The following AP4E1 variants were observed in gnomAD, a reference collection of about 807,000 sequenced individuals.
AP4E1 encodes AP-4 complex subunit epsilon-1.
Under a neutral mutation model 128.2 loss-of-function variants are expected in AP4E1, and 56 were observed. The ratio of observed to expected loss-of-function variants is 0.44; its 90% confidence interval spans 0.35 to 0.55. The LOEUF is 0.55. Among genes scored for constraint, AP4E1 ranks in the 20% least tolerant of loss-of-function variants. The probability of loss-of-function intolerance (pLI) is 0.00; values close to 1 mark genes in which losing one functional copy is unlikely to be tolerated. For missense variants in AP4E1, 1,324 were observed against 1,307.7 expected, an observed-to-expected ratio of 1.01 and a Z score of -0.19; for synonymous variants, 484 against 473.1, an observed-to-expected ratio of 1.02 and a Z score of -0.30.
At chr15:50,961,222 A>G (rs76348913) in intron 14 of AP4E1, among the ~76,000 whole-genome samples, 5,093 of 152,130 alleles carry the variant, frequency 0.033, 84 homozygotes, top group Non-Finnish European at 0.039. Context: ...GTCCAAAAAA[A>G]TCGAAGAGGA....
rs1319336969 is a variant in AP4E1 at position 51,001,076 on chromosome 15, C to T, written c.3146C>T (p.Ala1049Val). Residue 1049 changes from alanine to valine, a missense_variant, in exon 20 of 21, where the codon GCA becomes GTA. By Grantham distance (64) the Ala-to-Val change is moderately conservative. Coordinates refer to ENST00000261842, the MANE Select transcript of AP4E1 (RefSeq NM_007347.5). The stretch of plus-strand genomic sequence containing the variant: ...TTTGGGAAACTCTGGTTATCCTTCG[C>T]AAATGATGTGAAACAAAATGTAAAA... ...DDFGKLWLSF[A>V]NDVKQNVKMS... 4 of 1,613,386 alleles carry T rather than the reference C, an allele frequency of 2.5e-6. No homozygotes were observed. The highest frequency in any genetic ancestry group is 1.7e-5 in the Admixed American group (1 of 60,002).
intron 19 of AP4E1, among the ~76,000 whole-genome samples, chr15:51,000,141 C>CTTTTTTTTTTTTTTTTT (rs11383470): frequency 8.3e-6 from 1 of 120,818 alleles, no homozygotes. Context: ...TTTGTTCATT[C>CTTTTTTTTTTTTTTTTT]TTTTTTTTTT....
In AP4E1 at chr15:50,997,871, A is replaced by C. The variant is rs1190538218; in HGVS notation, c.2892A>C (p.Ala964=). 5.6e-6 allele frequency: 9 copies of C among 1,598,250 alleles called. No homozygotes were observed. In the East Asian group the frequency reaches 2.0e-4, roughly 36 times the overall value. ...LKSADLEIFP[A]ENFKVTEQPG... ...GTGCTGACTTAGAAATTTTTCCTGC[A>C]GAAAATTTCAAGGTAAAATTTAAAG... The change falls in exon 18 of 21, where the codon GCA becomes GCC. Residue 964 remains alanine (A), a synonymous_variant. Coordinates refer to ENST00000261842, the MANE Select transcript of AP4E1 (RefSeq NM_007347.5).
intron 7 of AP4E1, among the ~76,000 whole-genome samples, chr15:50,931,688 A>C (rs1417053143): frequency 6.6e-6 from 1 of 152,198 alleles, no homozygotes; most frequent in Non-Finnish European, 1.5e-5. Context: ...AACATAAATA[A>C]ACATTATGGA....
chr15:50,934,789 G>T (rs1392060166), intron 8 of AP4E1, 92 bp downstream of exon 8: 1 of 816,674 alleles, frequency 1.2e-6, no homozygotes, highest in Admixed American at 2.1e-5. Flanking sequence ...AATTCCAATA[G>T]AATTTTATAC....
chr15:50,965,855 G>GT (rs1468862191), intron 14 of AP4E1, among the ~76,000 whole-genome samples: 1 of 152,022 alleles, frequency 6.6e-6, no homozygotes, highest in East Asian at 1.9e-4. Flanking sequence ...TTAACCCAAA[G>GT]TTCTCACTTA....
chr15:50,974,984 G>A (rs1238116787), intron 15 of AP4E1, among the ~76,000 whole-genome samples: 2 of 152,088 alleles, frequency 1.3e-5, no homozygotes, highest in South Asian at 2.1e-4. Context: ...TTTTCACTCT[G>A]TTGAGTGTTT....
chr15:50,937,354 A>G (rs1194513423), intron 8 of AP4E1, among the ~76,000 whole-genome samples: 2 of 152,140 alleles, frequency 1.3e-5, no homozygotes, highest in Non-Finnish European at 2.9e-5. Context: ...AGTACTTTCT[A>G]TATTTTATTT....
At chr15:50,920,110 CTTTTTTTT>C (rs34342608) in intron 3 of AP4E1, among the ~76,000 whole-genome samples, 2 of 50,116 alleles carry the variant, frequency 4.0e-5, no homozygotes, top group Non-Finnish European at 7.8e-5. Context: ...AAATTTATGC[CTTTTTTTT>C]TTTTTTTTTT....
chr15:50,958,212 T>C (rs750435526), intron 13 of AP4E1, among the ~76,000 whole-genome samples: 35 of 152,204 alleles, frequency 2.3e-4, no homozygotes, highest in Non-Finnish European at 4.1e-4. Flanking sequence ...GATGTGATAG[T>C]GCTTATAAAA....
intron 8 of AP4E1, 61 bp from the exon 9 acceptor site, chr15:50,941,381 A>G: frequency 6.4e-7 from 1 of 1,567,278 alleles, no homozygotes; most frequent in Non-Finnish European, 8.7e-7. Flanking sequence ...AGTTCTACAC[A>G]AATACATTGT....
chr15:50,913,999 T>A (rs559071413), intron 2 of AP4E1, among the ~76,000 whole-genome samples: 232 of 152,220 alleles, frequency 1.5e-3, no homozygotes, highest in Non-Finnish European at 2.7e-3. Context: ...TGTATTTTTT[T>A]AATAGAGATG....
intron 13 of AP4E1, among the ~76,000 whole-genome samples, chr15:50,957,758 C>A (rs964642528): frequency 6.9e-6 from 1 of 144,022 alleles, no homozygotes; most frequent in African/African-American, 2.6e-5. Flanking sequence ...CTCACTGCAA[C>A]ATCTGCCTCC....
intron 1 of AP4E1, among the ~76,000 whole-genome samples, chr15:50,910,226 G>T (rs1275614837): frequency 6.6e-6 from 1 of 152,144 alleles, no homozygotes; most frequent in African/African-American, 2.4e-5. Context: ...TCAAGTGTTC[G>T]CTCACTTCGG....
intron 13 of AP4E1, among the ~76,000 whole-genome samples, chr15:50,957,433 GGGGCA>G (rs1228858157): frequency 6.6e-6 from 1 of 152,080 alleles, no homozygotes. Flanking sequence ...GGCACAGGAT[GGGGCA>G]GGGCAGGGCA....
chr15:50,950,080 T>G lies in AP4E1; in HGVS notation c.1459T>G (p.Leu487Val). The G allele has an allele frequency of 1.2e-6, 2 of 1,613,166 alleles. No individual in the cohort carries two copies. The change falls in exon 13 of 21, where the codon TTA becomes GTA. Residue 487 changes from leucine (L) to valine (V), a missense_variant. By Grantham distance (32) the Leu-to-Val change is conservative (BLOSUM62 1). Coordinates refer to ENST00000261842, the MANE Select transcript of AP4E1 (RefSeq NM_007347.5). ...TGATGATGAAACAGAAGATCAGCAA[T>G]TAAGACTCTATGCAGTTCAGTCTTA... ...GFDDETEDQQ[L>V]RLYAVQSYLT...
intron 2 of AP4E1, among the ~76,000 whole-genome samples, chr15:50,913,520 T>C (rs757639585): frequency 6.6e-6 from 1 of 152,220 alleles, no homozygotes; most frequent in Non-Finnish European, 1.5e-5. Context: ...TACAGAGTAG[T>C]CTGTCCCAGA....
intron 15 of AP4E1, 99 bp downstream of exon 15, chr15:50,968,476 A>G (rs1002010516): frequency 3.2e-6 from 3 of 925,304 alleles, no homozygotes; most frequent in Non-Finnish European, 3.3e-6. Context: ...ACTTTCTATT[A>G]TTTCTCTTTA....
Position 50,999,236 on chromosome 15 carries a change from A to G in AP4E1, c.3069A>G (p.Val1023=), listed in dbSNP as rs755016390. The change falls in exon 19 of 21, where the codon GTA becomes GTG. Residue 1023 remains valine, a synonymous_variant. Transcript: ENST00000261842. ...ATTCTGCTCAGCTGGAATTTTCTGT[A>G]AACTTATCACTATTAGATTTCATTA... ...DTHSAQLEFS[V]NLSLLDFIRP... 11 of 1,611,960 alleles carry G rather than the reference A, an allele frequency of 6.8e-6. No homozygotes were observed. In the African/African-American group the frequency reaches 1.5e-4, roughly 22 times the overall value.
Sources: allele counts gnomAD v4.1 joint callset (sites outside exome capture counted in the v4.1 genomes callset), GRCh38; gene constraint gnomAD v4.1.1; transcripts MANE v1.5; gene names NCBI Gene and HGNC (gene_info 2026-07-23, HGNC 2026-07-21).